ANO3: variants seen among roughly 807,000 people sequenced by gnomAD.
The protein encoded by ANO3 is anoctamin 3, also known as anoctamin-3.
In ANO3, 99 loss-of-function variants were observed where a neutral mutation model predicts 144.8. That is an observed-to-expected ratio of 0.68 (90% confidence interval 0.58 to 0.81). The LOEUF is 0.81. Among genes scored for constraint, ANO3 ranks in the 30% least tolerant of loss-of-function variants. ANO3 has a pLI of 0.00. For synonymous variants in ANO3, 414 were observed against 392.6 expected, an observed-to-expected ratio of 1.05 and a Z score of -0.64; for missense variants, 905 against 1,202.2, an observed-to-expected ratio of 0.75 and a Z score of 3.66.
At chr11:26,624,567 C>T in intron 18 of ANO3, 69 bp downstream of exon 18, 1 of 1,130,082 alleles carries the variant, frequency 8.8e-7, no homozygotes, top group East Asian at 2.4e-5. Context: ...TCTGTAGTTA[C>T]TTTATATAAT....
At chr11:26,291,395 T>G (rs1173242188) in intron 1 of ANO3, among the ~76,000 whole-genome samples, 1 of 152,222 alleles carries the variant, frequency 6.6e-6, no homozygotes, top group Non-Finnish European at 1.5e-5. Flanking sequence ...ATTGGGTTAT[T>G]TAGCCCATTT....
chr11:26,609,703 G>T (rs558164528), intron 17 of ANO3, among the ~76,000 whole-genome samples: 1 of 151,980 alleles, frequency 6.6e-6, no homozygotes, highest in East Asian at 1.9e-4. Context: ...ATAAACTTAG[G>T]AATTCAGATA....
chr11:26,282,443 A>T (rs887245866), intron 1 of ANO3, among the ~76,000 whole-genome samples: 2 of 152,118 alleles, frequency 1.3e-5, no homozygotes, highest in African/African-American at 4.8e-5. Flanking sequence ...TGCATTCTGC[A>T]TATTAATTTA....
chr11:26,413,966 A>G (rs1177983942), intron 1 of ANO3, among the ~76,000 whole-genome samples: 1 of 152,106 alleles, frequency 6.6e-6, no homozygotes, highest in East Asian at 1.9e-4. Flanking sequence ...TTAGACACAG[A>G]GTGACAGAAT....
At chr11:26,348,030 C>A (rs1055071875) in intron 1 of ANO3, among the ~76,000 whole-genome samples, 2 of 152,096 alleles carry the variant, frequency 1.3e-5, no homozygotes, top group Non-Finnish European at 2.9e-5. Flanking sequence ...AAATATCCAC[C>A]TCAAAAAATT....
chr11:26,572,384 G>T, intron 14 of ANO3: 1 of 337,912 alleles, frequency 3.0e-6, no homozygotes, highest in Non-Finnish European at 4.2e-6. Flanking sequence ...AGCAAAACAC[G>T]GGTCATCAAT....
intron 3 of ANO3, 64 bp downstream of exon 3, chr11:26,443,900 T>TA (rs1024726830): frequency 1.7e-4 from 190 of 1,099,716 alleles, no homozygotes; most frequent in South Asian, 2.4e-4. Context: ...TGTGTTCTTC[T>TA]AAAAAAAACT....
At chr11:26,190,123 T>A (rs1303194107) in intron 1 of ANO3, among the ~76,000 whole-genome samples, 1 of 152,172 alleles carries the variant, frequency 6.6e-6, no homozygotes, top group African/African-American at 2.4e-5. Flanking sequence ...AAATAAGGCG[T>A]TGTAATGGGA....
intron 1 of ANO3, among the ~76,000 whole-genome samples, chr11:26,311,688 T>A (rs1242076851): frequency 6.6e-6 from 1 of 152,190 alleles, no homozygotes; most frequent in Non-Finnish European, 1.5e-5. Flanking sequence ...TGAAAGCCCA[T>A]GACTGCTGTG....
chr11:26,239,833 A>G (rs1852621160), intron 1 of ANO3, among the ~76,000 whole-genome samples: 1 of 152,212 alleles, frequency 6.6e-6, no homozygotes, highest in Non-Finnish European at 1.5e-5. Flanking sequence ...CAGGCAATTT[A>G]TGTTTCTCCA....
chr11:26,588,636 T>C (rs908615995), intron 14 of ANO3, among the ~76,000 whole-genome samples: 17 of 152,230 alleles, frequency 1.1e-4, no homozygotes, highest in Admixed American at 1.1e-3. Context: ...GAAGAAAGCA[T>C]GTGACAGACA....
chr11:26,398,634 G>A (rs1857074834), intron 1 of ANO3, among the ~76,000 whole-genome samples: 1 of 152,022 alleles, frequency 6.6e-6, no homozygotes, highest in Non-Finnish European at 1.5e-5. Context: ...GACTAAGTGA[G>A]AGTAACTGTG....
chr11:26,475,504 CT>C (rs550385130), intron 4 of ANO3, among the ~76,000 whole-genome samples: 21 of 151,966 alleles, frequency 1.4e-4, no homozygotes, highest in Non-Finnish European at 2.4e-4. Context: ...GAAATAGAGT[CT>C]GTTAAATTAC....
intron 13 of ANO3, among the ~76,000 whole-genome samples, chr11:26,558,092 T>G (rs1430801972): frequency 1.3e-5 from 2 of 152,158 alleles, no homozygotes; most frequent in Non-Finnish European, 2.9e-5. Context: ...CTATTAATGT[T>G]TAAATTTATT....
intron 20 of ANO3, among the ~76,000 whole-genome samples, chr11:26,635,332 A>G (rs1167235803): frequency 1.3e-5 from 2 of 150,034 alleles, no homozygotes; most frequent in South Asian, 2.1e-4. Flanking sequence ...TAGCTCCAGT[A>G]ATTTTCCTTT....
chr11:26,287,372 T>C (rs1004151746), intron 1 of ANO3: 4 of 152,202 alleles, frequency 2.6e-5, no homozygotes, highest in African/African-American at 9.6e-5. Context: ...TGTTTATTGA[T>C]TCATTTACTA....
At chr11:26,405,763 C>T (rs891750805) in intron 1 of ANO3, among the ~76,000 whole-genome samples, 19 of 151,854 alleles carry the variant, frequency 1.3e-4, no homozygotes, top group African/African-American at 4.3e-4. Context: ...ATTTAGAGAG[C>T]ATGAGTGTGT....
intron 4 of ANO3, among the ~76,000 whole-genome samples, chr11:26,504,303 C>G (rs1253651403): frequency 6.6e-6 from 1 of 152,040 alleles, no homozygotes; most frequent in Non-Finnish European, 1.5e-5. Context: ...TGAGGTTAAC[C>G]CTATCTGAAT....
At position 26,189,376 on chromosome 11, in the gene ANO3, T is replaced by C. The variant is rs1320467616; in HGVS notation, c.154+46T>C. ...ATATGTATGAGTATCTTAACTTATG[T>C]TTGTACTTCTTTAATGTCTGATGTG... On this transcript the variant is annotated intron_variant, in intron 1 of 27. Coordinates refer to the ANO3 transcript ENST00000672621. The C allele has an allele frequency of 3.2e-5, 30 of 942,680 alleles. No individual in the cohort carries two copies. The Admixed American group carries it at 1.9e-3, about 58-fold the overall frequency. The allele number at this position is 942,680 out of a possible 1,614,324, so 58.4% of individuals were successfully genotyped here.
Sources: allele counts gnomAD v4.1 joint callset (sites outside exome capture counted in the v4.1 genomes callset), GRCh38; gene constraint gnomAD v4.1.1; transcripts MANE v1.5; gene names NCBI Gene and HGNC (gene_info 2026-07-23, HGNC 2026-07-21).